THSD7B: variants seen among roughly 807,000 people sequenced by gnomAD.
The protein encoded by THSD7B is thrombospondin type-1 domain-containing protein 7B.
Under a neutral mutation model 213.6 loss-of-function variants are expected in THSD7B, and 138 were observed. The ratio of observed to expected loss-of-function variants is 0.65; its 90% CI spans 0.56 to 0.74. The LOEUF is 0.74. Ranked by LOEUF, THSD7B falls within the 30% of genes least tolerant of loss-of-function variation. THSD7B has a pLI of 0.00. For missense variants in THSD7B, 1,931 were observed against 1,991.5 expected, an observed-to-expected ratio of 0.97 and a Z score of 0.58; for synonymous variants, 742 against 687.0, an observed-to-expected ratio of 1.08 and a Z score of -1.25.
Position 137,608,772 on chromosome 2 carries a change from G to T in THSD7B, c.3424-7403G>T, listed in dbSNP as rs1202884805. On this transcript the variant is annotated intron_variant, in intron 17 of 27. Transcript: ENST00000409968. Reference sequence around the variant, plus strand: ...GTAAGGAGCTATTCCTCTATGCACAGATATGTATGCCTTGTTAAATTCCTT... The same window carrying T: ...GTAAGGAGCTATTCCTCTATGCACATATATGTATGCCTTGTTAAATTCCTT... Among the ~76,000 whole-genome samples, 4 of 152,152 alleles carry T rather than the reference G, an allele frequency of 2.6e-5. No individual in the cohort carries two copies. In the East Asian group the frequency reaches 7.7e-4, roughly 29 times the overall value.
At position 137,676,546 on chromosome 2, in the gene THSD7B, A is replaced by C; in HGVS notation, c.4762A>C (p.Ser1588Arg). Residue 1588 changes from serine to arginine, a missense_variant, in exon 28 of 28, where the codon AGC becomes CGC. Transcript: ENST00000409968. ...LVCKKPKPHQ[S>R]TPPQQKPLTL... ...CAGCAAGAAGCCAAAACCACATCAA[A>C]GCACACCTCCCCAACAGAAGCCTCT... is the stretch of plus-strand genomic sequence containing the variant. 1.3e-6 allele frequency: 2 copies of C among 1,598,378 alleles called. No individual in the cohort carries two copies. Among genetic ancestry groups the C allele is most frequent in the Non-Finnish European group, 1.7e-6 (2 of 1,172,900 alleles).
chr2:136,783,756 C>T (rs1371652179), intron 1 of THSD7B, among the ~76,000 whole-genome samples: 1 of 152,160 alleles, frequency 6.6e-6, no homozygotes, highest in Non-Finnish European at 1.5e-5. Context: ...CCCCTCCTCA[C>T]AGAGGAGAGG....
intron 2 of THSD7B, among the ~76,000 whole-genome samples, chr2:137,023,912 G>A (rs987213): frequency 0.54 from 80,225 of 148,944 alleles, 24,189 homozygotes; most frequent in Non-Finnish European, 0.66. Flanking sequence ...ATTTCTCTTC[G>A]TCCTTCTAGT....
intron 12 of THSD7B, among the ~76,000 whole-genome samples, chr2:137,331,682 G>A (rs2104894154): frequency 6.6e-6 from 1 of 152,292 alleles, no homozygotes; most frequent in South Asian, 2.1e-4. Context: ...GGGAGGCTCT[G>A]GCCACACAGG....
chr2:137,604,004 G>A (rs1682123349), intron 17 of THSD7B, among the ~76,000 whole-genome samples: 3 of 151,998 alleles, frequency 2.0e-5, no homozygotes, highest in African/African-American at 7.2e-5. Context: ...CCAGCTACTT[G>A]GGAGGCTGGG....
intron 1 of THSD7B, among the ~76,000 whole-genome samples, chr2:136,770,154 G>T (rs1262306361): frequency 1.3e-5 from 2 of 152,322 alleles, no homozygotes; most frequent in Middle Eastern, 6.8e-3. Context: ...CTTCGTGGCA[G>T]TTAGGCACGA....
rs76983586 is a variant in THSD7B, at chr2:137,569,222, C to G, written c.3273-3184C>G. On this transcript the variant is annotated intron_variant, in intron 16 of 27. Coordinates refer to ENST00000409968, the MANE Select transcript of THSD7B (RefSeq NM_001316349.2). ...GAGATTCTTCTCTAGGAGTGCAGCT[C>G]TGCTGATACCTGACTCTCTGATGTT... Among the ~76,000 whole-genome samples the G allele has an allele frequency of 3.9e-3, 593 of 152,312 alleles. 5 individuals carry two copies. Among genetic ancestry groups the G allele is most frequent in the African/African-American group, 0.014 (570 of 41,560 alleles).
At chr2:136,948,486 A>G (rs7605851) in intron 2 of THSD7B, among the ~76,000 whole-genome samples, 15,401 of 151,976 alleles carry the variant, frequency 0.1, 1,381 homozygotes, top group East Asian at 0.42. Flanking sequence ...ACATGCACAC[A>G]TACACACACC....
chr2:137,478,357 T>C (rs1232478608), intron 15 of THSD7B, among the ~76,000 whole-genome samples: 1 of 152,198 alleles, frequency 6.6e-6, no homozygotes, highest in Non-Finnish European at 1.5e-5. Context: ...AGTCTGTTGT[T>C]GAAGATTTCA....
intron 7 of THSD7B, among the ~76,000 whole-genome samples, chr2:137,209,358 C>T (rs1681051077): frequency 6.6e-6 from 1 of 151,818 alleles, no homozygotes; most frequent in Admixed American, 6.6e-5. Context: ...GGTGTCTCTC[C>T]CCATTAAAAA....
intron 5 of THSD7B, among the ~76,000 whole-genome samples, chr2:137,138,018 C>T (rs1679502613): frequency 6.6e-6 from 1 of 152,086 alleles, no homozygotes; most frequent in African/African-American, 2.4e-5. Flanking sequence ...CCCTCCTCAG[C>T]CTCCCAAGTA....
chr2:137,549,084 A>G lies in THSD7B; in HGVS notation c.3139-14137A>G, dbSNP rs962184938. ...GGTTTTCCTCAAGCCTTTATTTCTT[A>G]GGTCACAAAAAGTTGCAAGCCTGGG... On this transcript the variant is annotated intron_variant, in intron 15 of 27. Coordinates refer to ENST00000409968, the MANE Select transcript of THSD7B (RefSeq NM_001316349.2). Among the ~76,000 whole-genome samples the G allele has an allele frequency of 3.3e-5, 5 of 151,956 alleles. No homozygotes were observed. The East Asian group carries it at 7.8e-4, about 24-fold the overall frequency.
At chr2:137,478,681 C>G (rs1558809742) in intron 15 of THSD7B, among the ~76,000 whole-genome samples, 8 of 152,124 alleles carry the variant, frequency 5.3e-5, no homozygotes. Context: ...TGTAGTGTAA[C>G]AGTCACTTCT....
intron 15 of THSD7B, among the ~76,000 whole-genome samples, chr2:137,455,008 A>AT (rs5834553): frequency 1 from 151,692 of 152,302 alleles, 75,548 homozygotes; most frequent in East Asian, 1. Flanking sequence ...CATACTGTTC[A>AT]AAAAATATTG....
chr2:137,273,177 C>G (rs12623037), intron 11 of THSD7B, among the ~76,000 whole-genome samples: 4 of 151,746 alleles, frequency 2.6e-5, no homozygotes, highest in African/African-American at 9.7e-5. Context: ...TTTTTTGGTT[C>G]TCAATTTTTG....
At chr2:137,323,626 T>C (rs1684309142) in intron 12 of THSD7B, among the ~76,000 whole-genome samples, 1 of 151,848 alleles carries the variant, frequency 6.6e-6, no homozygotes, top group South Asian at 2.1e-4. Flanking sequence ...ATTGAGGGAG[T>C]GGGGAGTCTG....
chr2:137,228,568 C>T (rs756526731), intron 7 of THSD7B, among the ~76,000 whole-genome samples: 1 of 152,148 alleles, frequency 6.6e-6, no homozygotes, highest in Non-Finnish European at 1.5e-5. Flanking sequence ...TCTCATCATG[C>T]ACCTTCAGTA....
intron 3 of THSD7B, among the ~76,000 whole-genome samples, chr2:137,075,680 A>G (rs1050419926): frequency 2.0e-5 from 3 of 152,042 alleles, no homozygotes; most frequent in African/African-American, 4.8e-5. Flanking sequence ...TAGAGTTTCC[A>G]GTTTTTCTGC....
intron 15 of THSD7B, among the ~76,000 whole-genome samples, chr2:137,537,473 G>A (rs1023827): frequency 1.3e-5 from 2 of 151,680 alleles, no homozygotes; most frequent in African/African-American, 4.8e-5. Flanking sequence ...TTTCTGCTGA[G>A]TTTGTGAATG....
Sources: gnomAD v4.1 joint callset for allele counts (sites outside exome capture counted in the v4.1 genomes callset) on GRCh38, gnomAD v4.1.1 for gene constraint, MANE v1.5 for transcripts, NCBI Gene and HGNC (gene_info 2026-07-23, HGNC 2026-07-21) for gene names.